The following CNBD1 variants were observed in gnomAD, a reference collection of about 807,000 sequenced individuals.
The protein encoded by CNBD1 is cyclic nucleotide-binding domain-containing protein 1.
In CNBD1, 71 loss-of-function variants were observed where a neutral mutation model predicts 54.4. That is an observed-to-expected ratio of 1.30 (90% CI 1.08 to 1.59). The LOEUF (loss-of-function observed/expected upper bound fraction) is 1.59, where lower values mean the gene tolerates loss of function less well. Ranked by LOEUF, CNBD1 falls within the 40% of genes most tolerant of loss-of-function variation. The probability of loss-of-function intolerance (pLI) is 0.00; values close to 1 mark genes in which losing one functional copy is unlikely to be tolerated. For synonymous variants in CNBD1, 182 were observed against 170.7 expected, an observed-to-expected ratio of 1.07 and a Z score of -0.51; for missense variants, 659 against 518.0, an observed-to-expected ratio of 1.27 and a Z score of -2.64.
intron 1 of CNBD1, among the ~76,000 whole-genome samples, chr8:86,874,676 T>A (rs1285423709): frequency 1.3e-5 from 2 of 151,770 alleles, no homozygotes; most frequent in Admixed American, 6.6e-5. Flanking sequence ...ATTCAAAGAG[T>A]TTTAAGGAGT....
intron 4 of CNBD1, among the ~76,000 whole-genome samples, chr8:87,049,159 T>C (rs1294218504): frequency 6.6e-6 from 1 of 152,212 alleles, no homozygotes; most frequent in Non-Finnish European, 1.5e-5. Context: ...TTTTTGCTGC[T>C]GATTTGGCTG....
chr8:87,102,870 TC>T (rs1424077118), intron 4 of CNBD1, among the ~76,000 whole-genome samples: 2 of 152,102 alleles, frequency 1.3e-5, no homozygotes, highest in African/African-American at 2.4e-5. Context: ...CGCCTCAGCT[TC>T]CCAAAGTGCT....
rs180878260 is a variant in CNBD1, at chr8:87,211,678, T to C, written c.577+5540T>C. On this transcript the variant is annotated intron_variant, in intron 5 of 10. Transcript: ENST00000518476. Reference sequence around the variant, plus strand: ...CGTCTGCTTCCATTTTACCTTCTACTATGAGTAAAATCTCCTTGAGGCTTC... The same window carrying C: ...CGTCTGCTTCCATTTTACCTTCTACCATGAGTAAAATCTCCTTGAGGCTTC... 1.9e-3 allele frequency among the ~76,000 whole-genome samples: 290 copies of C among 152,324 alleles called. 1 individual carries two copies. Among genetic ancestry groups the C allele is most frequent in the African/African-American group, 6.4e-3 (266 of 41,584 alleles).
At chr8:87,322,501 T>G (rs551785105) in intron 8 of CNBD1, among the ~76,000 whole-genome samples, 1 of 122,260 alleles carries the variant, frequency 8.2e-6, no homozygotes, top group East Asian at 2.1e-4. Context: ...CCATTCTAAC[T>G]GGTGTGAGAT....
chr8:87,016,163 A>G (rs1001960094), intron 4 of CNBD1, among the ~76,000 whole-genome samples: 3 of 151,934 alleles, frequency 2.0e-5, no homozygotes, highest in Non-Finnish European at 2.9e-5. Flanking sequence ...CTTAATTTAT[A>G]TAACCTTAGT....
At chr8:87,426,100 C>G (rs1169584391) in intron 2 of CNBD1, among the ~76,000 whole-genome samples, 1 of 152,220 alleles carries the variant, frequency 6.6e-6, no homozygotes, top group Admixed American at 6.5e-5. Context: ...GTCCATCACC[C>G]CTTTCTTTGA....
intron 4 of CNBD1, among the ~76,000 whole-genome samples, chr8:87,167,466 GT>G (rs1003516762): frequency 1.3e-5 from 2 of 151,260 alleles, no homozygotes; most frequent in African/African-American, 4.8e-5. Flanking sequence ...TGTTGTTGTT[GT>G]TTTGTTTTTA....
chr8:87,249,401 G>A (rs140703334), intron 6 of CNBD1, among the ~76,000 whole-genome samples: 3 of 152,240 alleles, frequency 2.0e-5, no homozygotes, highest in Non-Finnish European at 2.9e-5. Context: ...AGGCCACAGA[G>A]CAGTATAAAT....
chr8:87,207,886 C>A (rs1286263310), intron 5 of CNBD1, among the ~76,000 whole-genome samples: 1 of 152,090 alleles, frequency 6.6e-6, no homozygotes, highest in East Asian at 1.9e-4. Flanking sequence ...GTGTCAAAAT[C>A]CCTCTCAAGT....
At chr8:87,146,821 T>A (rs1812500333) in intron 4 of CNBD1, among the ~76,000 whole-genome samples, 1 of 152,178 alleles carries the variant, frequency 6.6e-6, no homozygotes, top group Non-Finnish European at 1.5e-5. Context: ...AACCTCCTAC[T>A]GATTTCTCTG....
intron 5 of CNBD1, among the ~76,000 whole-genome samples, chr8:87,217,212 T>C (rs1486207907): frequency 6.6e-6 from 1 of 152,030 alleles, no homozygotes; most frequent in East Asian, 1.9e-4. Flanking sequence ...CATTGAAAAA[T>C]GTGATTATAT....
chr8:86,983,264 A>G (rs1181390792), intron 4 of CNBD1, among the ~76,000 whole-genome samples: 2 of 152,192 alleles, frequency 1.3e-5, no homozygotes, highest in African/African-American at 4.8e-5. Flanking sequence ...GTCTGCTGCC[A>G]TGTCAGACAT....
intron 4 of CNBD1, among the ~76,000 whole-genome samples, chr8:87,030,936 TC>T (rs1809774163): frequency 8.1e-5 from 7 of 86,650 alleles, no homozygotes; most frequent in Non-Finnish European, 1.3e-4. Context: ...CTGCCCCCCT[TC>T]CCCCTCCTCC....
chr8:87,164,843 C>T (rs1812928660), intron 4 of CNBD1, among the ~76,000 whole-genome samples: 1 of 151,688 alleles, frequency 6.6e-6, no homozygotes, highest in African/African-American at 2.4e-5. Flanking sequence ...TTTTTCCTTT[C>T]CACATTCCTT....
Position 87,372,922 on chromosome 8 carries a change from C to A in CNBD1, c.1304-9698C>A, listed in dbSNP as rs1000293447. Among the ~76,000 whole-genome samples the A allele has an allele frequency of 2.6e-5, 4 of 151,794 alleles. No individual in the cohort carries two copies. The Admixed American group carries it at 2.6e-4, about 10-fold the overall frequency. ...CTTTGCATATAACTGTGGTAGCTTC[C>A]TTTACCTAAGTAAACTCCTGTGATT... On this transcript the variant is annotated intron_variant, in intron 10 of 10. Transcript: ENST00000518476.
intron 6 of CNBD1, among the ~76,000 whole-genome samples, chr8:87,283,812 C>T (rs1808642799): frequency 6.6e-6 from 1 of 152,074 alleles, no homozygotes; most frequent in African/African-American, 2.4e-5. Flanking sequence ...CCTACATGTA[C>T]AACAAGCCTC....
At chr8:87,381,418 A>G (rs1029078789) in intron 10 of CNBD1, among the ~76,000 whole-genome samples, 2 of 151,980 alleles carry the variant, frequency 1.3e-5, no homozygotes, top group African/African-American at 4.8e-5. Context: ...GACTTTTTGC[A>G]CTCTGTTAAT....
chr8:87,377,879 C>T lies in CNBD1; in HGVS notation c.1304-4741C>T, dbSNP rs62526825. Reference sequence around the variant, plus strand: ...GTGAGATGATATCTCACTGTGGTTTCGATTTGCATTTCTCTGATGGCCAGT... The same window carrying T: ...GTGAGATGATATCTCACTGTGGTTTTGATTTGCATTTCTCTGATGGCCAGT... On this transcript the variant is annotated intron_variant, in intron 10 of 10. Transcript: ENST00000518476. Among the ~76,000 whole-genome samples the T allele has an allele frequency of 9.9e-5, 15 of 151,468 alleles. No homozygotes were observed. The East Asian group carries it at 1.6e-3, about 16-fold the overall frequency.
chr8:87,142,888 G>GC (rs1400704073), intron 4 of CNBD1, among the ~76,000 whole-genome samples: 1 of 58,358 alleles, frequency 1.7e-5, no homozygotes, highest in East Asian at 5.3e-4. Context: ...GTCTGTGTAT[G>GC]CATTCATTCA....
Sources: gnomAD v4.1 joint callset for allele counts (sites outside exome capture counted in the v4.1 genomes callset) on GRCh38, gnomAD v4.1.1 for gene constraint, MANE v1.5 for transcripts, NCBI Gene and HGNC (gene_info 2026-07-23, HGNC 2026-07-21) for gene names.